TMCC1: variants seen among roughly 807,000 people sequenced by gnomAD.
TMCC1 encodes transmembrane and coiled-coil domain family 1.
TMCC1 carries 15 observed loss-of-function variants against 52.4 expected under a neutral mutation model. The ratio of observed to expected loss-of-function variants is 0.29; its 90% CI spans 0.19 to 0.44. TMCC1 has a LOEUF of 0.44. Among genes scored for constraint, TMCC1 ranks in the 20% least tolerant of loss-of-function variants. TMCC1 has a pLI of 1.00. For synonymous variants in TMCC1, 279 were observed against 301.9 expected (o/e 0.92, Z 0.79); for missense variants, 503 against 806.0 (o/e 0.62, Z 4.55).
chr3:129,858,983 C>T (rs1177922567), intron 2 of TMCC1, among the ~76,000 whole-genome samples: 1 of 152,110 alleles, frequency 6.6e-6, no homozygotes, highest in Admixed American at 6.6e-5. Flanking sequence ...GTTATTGCTT[C>T]TCAAACTGTT....
chr3:129,749,965 T>C (rs566917238), intron 4 of TMCC1, among the ~76,000 whole-genome samples: 9 of 152,306 alleles, frequency 5.9e-5, no homozygotes, highest in African/African-American at 2.2e-4. Flanking sequence ...TTCTTCTCTG[T>C]CAATTTACAC....
chr3:129,817,266 C>A (rs1161816052), intron 4 of TMCC1, among the ~76,000 whole-genome samples: 1 of 151,948 alleles, frequency 6.6e-6, no homozygotes, highest in African/African-American at 2.4e-5. Flanking sequence ...CCTTATTGAC[C>A]AAAGTAAAAA....
rs371650095 is a variant in TMCC1 at position 129,706,407 on chromosome 3, T to C, written c.577-35143A>G. Among the ~76,000 whole-genome samples, 7 of 152,164 alleles carry C rather than the reference T, an allele frequency of 4.6e-5. No homozygotes were observed. In the East Asian group the frequency reaches 1.4e-3, roughly 30 times the overall value. ...TTTTAGTAGAGACAGGGTTTCACCA[T>C]GTTGGCCAGGCTGGTCTGGAACTCT... On this transcript the variant is annotated intron_variant, in intron 4 of 6. Transcript: ENST00000393238.
At chr3:129,806,136 C>G (rs922631685) in intron 4 of TMCC1, among the ~76,000 whole-genome samples, 2 of 152,090 alleles carry the variant, frequency 1.3e-5, no homozygotes, top group Admixed American at 6.6e-5. Flanking sequence ...AAGCCTGTAT[C>G]GAAGCCCCTT....
chr3:129,799,155 C>T (rs1371770096), intron 4 of TMCC1, among the ~76,000 whole-genome samples: 5 of 152,110 alleles, frequency 3.3e-5, no homozygotes, highest in African/African-American at 1.2e-4. Flanking sequence ...GGGCAGCTGA[C>T]CTTGCCAAAT....
chr3:129,731,491 T>C (rs1398886126), intron 4 of TMCC1, among the ~76,000 whole-genome samples: 1 of 152,124 alleles, frequency 6.6e-6, no homozygotes, highest in Non-Finnish European at 1.5e-5. Flanking sequence ...GGCACAAGAA[T>C]CACTTGAACC....
At chr3:129,809,258 A>AC in intron 4 of TMCC1, among the ~76,000 whole-genome samples, 1 of 151,652 alleles carries the variant, frequency 6.6e-6, no homozygotes, top group Non-Finnish European at 1.5e-5. Context: ...AAAAAAAAAA[A>AC]AAAAAAAAAT....
chr3:129,787,389 T>C (rs146541884), intron 4 of TMCC1, among the ~76,000 whole-genome samples: 154 of 152,302 alleles, frequency 1.0e-3, no homozygotes, highest in Non-Finnish European at 1.4e-3. Context: ...ACCTATATGA[T>C]GGAACAGACT....
At position 129,841,135 on chromosome 3, in the gene TMCC1, A is replaced by AG. The variant is rs568685590; in HGVS notation, c.-183-8310dup. 2.4e-3 allele frequency among the ~76,000 whole-genome samples: 365 copies of AG among 152,338 alleles called. 3 individuals are homozygous for AG. The highest frequency in any genetic ancestry group is 8.1e-3 in the African/African-American group (336 of 41,576). Reference sequence around the variant, plus strand: ...AGAAACTTATTGTGAACTGGAGCAAAGGTCACTCTTGCTATGCCTTAGCAA... The same window carrying AG: ...AGAAACTTATTGTGAACTGGAGCAAAGGGTCACTCTTGCTATGCCTTAGCAA... On this transcript the variant is annotated intron_variant, in intron 2 of 6. Coordinates refer to ENST00000393238, the MANE Select transcript of TMCC1 (RefSeq NM_001017395.5).
intron 4 of TMCC1, among the ~76,000 whole-genome samples, chr3:129,816,992 C>T (rs1020881867): frequency 6.6e-6 from 1 of 151,914 alleles, no homozygotes; most frequent in Non-Finnish European, 1.5e-5. Context: ...TGTACCACTG[C>T]ACTCCAACCT....
intron 4 of TMCC1, among the ~76,000 whole-genome samples, chr3:129,734,540 G>T (rs995530378): frequency 5.9e-5 from 9 of 152,082 alleles, no homozygotes; most frequent in Non-Finnish European, 1.0e-4. Context: ...ATAAAAATTA[G>T]CTGGGCTTGG....
In TMCC1 at chr3:129,651,406, G is replaced by T; in HGVS notation, c.*75C>A. On this transcript the variant is annotated 3_prime_UTR_variant, in exon 7 of 7. Transcript: ENST00000393238. The surrounding 1 kb of genome is among the most constrained non-coding windows in gnomAD (Gnocchi z 5.1). ...TTTTTTTGTTGTAGAAAACTTCAGA[G>T]TAGGTAAGTTGCTGTCTAACTCTCT... 1 of 1,464,174 alleles carries T rather than the reference G, an allele frequency of 6.8e-7. No individual in the cohort carries two copies. The highest frequency in any genetic ancestry group is 9.3e-7 in the Non-Finnish European group (1 of 1,080,916). The allele number at this position is 1,464,174 out of a possible 1,614,324, so 90.7% of individuals were successfully genotyped here.
intron 4 of TMCC1, among the ~76,000 whole-genome samples, chr3:129,705,119 C>T (rs999301943): frequency 6.6e-6 from 1 of 152,146 alleles, no homozygotes; most frequent in African/African-American, 2.4e-5. Flanking sequence ...TGGGATCAAA[C>T]GAGTGCTGTG....
intron 4 of TMCC1, among the ~76,000 whole-genome samples, chr3:129,767,711 T>TC (rs2054244364): frequency 6.6e-6 from 1 of 152,204 alleles, no homozygotes; most frequent in South Asian, 2.1e-4. Flanking sequence ...CTCTCTAGAT[T>TC]TGCCTATTCT....
intron 5 of TMCC1, 69 bp from the exon 6 acceptor site, chr3:129,655,172 C>G: frequency 6.4e-7 from 1 of 1,557,802 alleles, no homozygotes; most frequent in Non-Finnish European, 8.7e-7. Flanking sequence ...TATTTACATC[C>G]AACTCCCAAA....
chr3:129,890,486 T>C (rs1250955995), intron 1 of TMCC1, among the ~76,000 whole-genome samples: 1 of 152,252 alleles, frequency 6.6e-6, no homozygotes, highest in African/African-American at 2.4e-5. Flanking sequence ...CTCTTTCAAA[T>C]ACATTATCTT....
intron 4 of TMCC1, among the ~76,000 whole-genome samples, chr3:129,677,089 C>A (rs1456545236): frequency 6.6e-6 from 1 of 150,698 alleles, no homozygotes; most frequent in Non-Finnish European, 1.5e-5. Flanking sequence ...CATGCCGAAA[C>A]CCTGTCTCTA....
chr3:129,768,635 A>G (rs1278130318), intron 4 of TMCC1, among the ~76,000 whole-genome samples: 1 of 152,218 alleles, frequency 6.6e-6, no homozygotes, highest in Non-Finnish European at 1.5e-5. Flanking sequence ...GACTGTGCAC[A>G]TAGTCCCGAA....
chr3:129,676,670 G>A (rs115222549), intron 4 of TMCC1, among the ~76,000 whole-genome samples: 2,551 of 152,210 alleles, frequency 0.017, 28 homozygotes, highest in Non-Finnish European at 0.028. Flanking sequence ...GAATAATCAC[G>A]TGTAAAGGCA....
Sources: allele counts gnomAD v4.1 joint callset (sites outside exome capture counted in the v4.1 genomes callset), GRCh38; gene constraint gnomAD v4.1.1; non-coding constraint Gnocchi (gnomAD v3.1); transcripts MANE v1.5; gene names NCBI Gene and HGNC (gene_info 2026-07-23, HGNC 2026-07-21).